PTPRK: variants seen among roughly 807,000 people sequenced by gnomAD.
The protein encoded by PTPRK is protein tyrosine phosphatase receptor type K, also known as receptor-type tyrosine-protein phosphatase kappa.
Under a neutral mutation model 178.0 loss-of-function variants are expected in PTPRK, and 75 were observed. The ratio of observed to expected loss-of-function variants is 0.42; its 90% confidence interval spans 0.35 to 0.51. The LOEUF (loss-of-function observed/expected upper bound fraction) is 0.51, where lower values mean the gene tolerates loss of function less well. Ranked by LOEUF, PTPRK falls within the 20% of genes least tolerant of loss-of-function variation. The pLI is 0.02. For missense variants in PTPRK, 1,441 were observed against 1,797.8 expected (o/e 0.80, Z 3.59); for synonymous variants, 637 against 620.6 (o/e 1.03, Z -0.39).
At chr6:128,188,826 T>C (rs1184310050) in intron 6 of PTPRK, among the ~76,000 whole-genome samples, 1 of 152,192 alleles carries the variant, frequency 6.6e-6, no homozygotes, top group Non-Finnish European at 1.5e-5. Context: ...TCCTTTCATT[T>C]GTTCACAATG....
intron 7 of PTPRK, among the ~76,000 whole-genome samples, chr6:128,131,913 A>C (rs1794303949): frequency 6.6e-6 from 1 of 152,176 alleles, no homozygotes; most frequent in Non-Finnish European, 1.5e-5. Context: ...CTTTAAGAAA[A>C]ATATCATACT....
intron 6 of PTPRK, among the ~76,000 whole-genome samples, chr6:128,216,899 T>C (rs1229307779): frequency 6.6e-6 from 1 of 152,112 alleles, no homozygotes; most frequent in Non-Finnish European, 1.5e-5. Context: ...TGGAAAAAAA[T>C]GTATAGATAA....
chr6:127,981,333 T>C, intron 24 of PTPRK, 44 bp from the exon 25 acceptor site: 1 of 1,538,304 alleles, frequency 6.5e-7, no homozygotes. Context: ...GTGTGACCCA[T>C]TTAACAGTAT....
chr6:128,100,587 AT>A (rs2114261165), intron 7 of PTPRK, among the ~76,000 whole-genome samples: 2 of 152,016 alleles, frequency 1.3e-5, no homozygotes, highest in East Asian at 3.9e-4. Flanking sequence ...CATGTTTGTA[AT>A]TTTTTGAACA....
intron 3 of PTPRK, among the ~76,000 whole-genome samples, chr6:128,249,065 C>T (rs1816003609): frequency 6.6e-6 from 1 of 151,528 alleles, no homozygotes; most frequent in South Asian, 2.1e-4. Flanking sequence ...GGACTGGTAG[C>T]CAAAGAAGTT....
intron 1 of PTPRK, among the ~76,000 whole-genome samples, chr6:128,421,057 AC>A (rs1347818866): frequency 6.6e-6 from 1 of 152,166 alleles, no homozygotes; most frequent in Non-Finnish European, 1.5e-5. Flanking sequence ...CTTATAAAAA[AC>A]ACAATCATTC....
chr6:128,191,991 A>G (rs1803881073), intron 6 of PTPRK, among the ~76,000 whole-genome samples: 1 of 152,180 alleles, frequency 6.6e-6, no homozygotes, highest in Admixed American at 6.5e-5. Flanking sequence ...ATGTGACTAC[A>G]CGAATTGCTC....
chr6:128,082,754 T>C (rs1785049473), intron 9 of PTPRK, 116 bp from the exon 10 acceptor site: 1 of 663,652 alleles, frequency 1.5e-6, no homozygotes, highest in East Asian at 2.9e-5. Flanking sequence ...ATGGTAATTT[T>C]TTTCTTCTTT....
At chr6:128,090,568 G>A (rs749747404) in intron 7 of PTPRK, among the ~76,000 whole-genome samples, 5 of 151,942 alleles carry the variant, frequency 3.3e-5, no homozygotes, top group African/African-American at 4.9e-5. Flanking sequence ...TATTCACATT[G>A]TCTTCTTTCC....
chr6:128,100,096 T>C (rs997988714), intron 7 of PTPRK, among the ~76,000 whole-genome samples: 2 of 152,032 alleles, frequency 1.3e-5, no homozygotes, highest in Admixed American at 6.6e-5. Flanking sequence ...CAAGCTGAGA[T>C]AGTAAACACA....
chr6:128,199,964 G>A (rs1805615844), intron 6 of PTPRK, among the ~76,000 whole-genome samples: 1 of 152,196 alleles, frequency 6.6e-6, no homozygotes, highest in Non-Finnish European at 1.5e-5. Flanking sequence ...GTTAGAAGGA[G>A]CAGTGGAGTT....
At chr6:128,242,460 T>A in intron 4 of PTPRK, 61 bp downstream of exon 4, 1 of 1,581,884 alleles carries the variant, frequency 6.3e-7, no homozygotes, top group Middle Eastern at 1.7e-4. Flanking sequence ...CAATAGTCAC[T>A]GCCAATATAA....
At chr6:128,350,134 A>T (rs879741353) in intron 2 of PTPRK, among the ~76,000 whole-genome samples, 6 of 152,154 alleles carry the variant, frequency 3.9e-5, no homozygotes, top group Non-Finnish European at 8.8e-5. Flanking sequence ...GGGGAGAAAT[A>T]AAAACTCCAA....
chr6:128,312,426 C>T (rs1827372269), intron 3 of PTPRK, among the ~76,000 whole-genome samples: 1 of 152,056 alleles, frequency 6.6e-6, no homozygotes, highest in South Asian at 2.1e-4. Context: ...AAGTGAGAAA[C>T]AGGAAGGAAG....
intron 13 of PTPRK, among the ~76,000 whole-genome samples, chr6:128,049,868 G>A (rs1778700537): frequency 6.6e-6 from 1 of 152,196 alleles, no homozygotes. Flanking sequence ...CAGGTGCGGT[G>A]GCTCACGCCT....
At chr6:128,459,116 T>C in intron 1 of PTPRK, among the ~76,000 whole-genome samples, 1 of 152,190 alleles carries the variant, frequency 6.6e-6, no homozygotes, top group East Asian at 1.9e-4. Flanking sequence ...TGGGAATCTT[T>C]GGCAGGCTCC....
At chr6:128,038,694 T>C (rs1776647260) in intron 13 of PTPRK, among the ~76,000 whole-genome samples, 1 of 152,190 alleles carries the variant, frequency 6.6e-6, no homozygotes, top group Non-Finnish European at 1.5e-5. Context: ...TCCAGGCTTT[T>C]CTTAAGGAGC....
intron 6 of PTPRK, among the ~76,000 whole-genome samples, chr6:128,189,378 T>C (rs546399927): frequency 1.3e-5 from 2 of 151,032 alleles, no homozygotes; most frequent in Admixed American, 1.3e-4. Flanking sequence ...TAGCCGGGAC[T>C]ACAGGTGCAT....
intron 1 of PTPRK, among the ~76,000 whole-genome samples, chr6:128,414,519 T>C (rs2128381562): frequency 1.3e-5 from 2 of 152,356 alleles, no homozygotes; most frequent in South Asian, 2.1e-4. Flanking sequence ...AGCTATTGTA[T>C]ATCATTCACC....
Sources: allele counts gnomAD v4.1 joint callset (sites outside exome capture counted in the v4.1 genomes callset), GRCh38; gene constraint gnomAD v4.1.1; transcripts MANE v1.5; gene names NCBI Gene and HGNC (gene_info 2026-07-23, HGNC 2026-07-21).